The following BBX variants were observed in gnomAD, a reference collection of about 807,000 sequenced individuals.
The protein encoded by BBX is BBX high mobility group box domain containing.
In BBX, 30 loss-of-function variants were observed where a neutral mutation model predicts 100.2. That is an observed-to-expected ratio of 0.30 (90% CI 0.22 to 0.41). The LOEUF (loss-of-function observed/expected upper bound fraction) is 0.41, where lower values mean the gene tolerates loss of function less well. Among genes scored for constraint, BBX ranks in the 10% least tolerant of loss-of-function variants. BBX has a pLI of 1.00. For missense variants in BBX, 1,023 were observed against 1,129.8 expected, an observed-to-expected ratio of 0.91 and a Z score of 1.35; for synonymous variants, 376 against 388.1, an observed-to-expected ratio of 0.97 and a Z score of 0.37.
chr3:107,768,457 G>A (rs2107755470), intron 10 of BBX, among the ~76,000 whole-genome samples: 1 of 152,292 alleles, frequency 6.6e-6, no homozygotes, highest in South Asian at 2.1e-4. Context: ...TAGAAGTTTG[G>A]CAGAAGGCCC....
intron 3 of BBX, among the ~76,000 whole-genome samples, chr3:107,708,597 C>A (rs543284532): frequency 6.7e-6 from 1 of 149,150 alleles, no homozygotes; most frequent in Non-Finnish European, 1.5e-5. Context: ...TTGCTTGAAC[C>A]GGGGAGGCAG....
At position 107,723,631 on chromosome 3, in the gene BBX, A is replaced by G. The variant is rs189224613; in HGVS notation, c.406-5134A>G. ...TGTTTCCAAGTGTTCTCATTGTTCA[A>G]TTCTCACCTATGAGTGAGAACATGA... On this transcript the variant is annotated intron_variant, in intron 5 of 17. Transcript: ENST00000325805. Among the ~76,000 whole-genome samples the G allele has an allele frequency of 8.0e-3, 1,222 of 152,034 alleles. 3 individuals carry two copies. Among genetic ancestry groups the G allele is most frequent in the Middle Eastern group, 0.014 (4 of 294 alleles).
At chr3:107,788,045 A>G (rs559624807) in intron 13 of BBX, among the ~76,000 whole-genome samples, 44 of 152,308 alleles carry the variant, frequency 2.9e-4, no homozygotes, top group African/African-American at 1.0e-3. Context: ...GACTTTTCAT[A>G]TACACCCAAT....
intron 2 of BBX, among the ~76,000 whole-genome samples, chr3:107,618,920 A>T (rs1360418166): frequency 6.6e-6 from 1 of 152,008 alleles, no homozygotes; most frequent in African/African-American, 2.4e-5. Context: ...CTGTAGGTTG[A>T]TGATGTTGAG....
At chr3:107,539,126 CATA>C (rs1421807791) in intron 2 of BBX, among the ~76,000 whole-genome samples, 6 of 152,050 alleles carry the variant, frequency 3.9e-5, no homozygotes, top group Non-Finnish European at 7.4e-5. Flanking sequence ...GTTGCTTTAT[CATA>C]ATAATGTCCT....
intron 5 of BBX, among the ~76,000 whole-genome samples, chr3:107,717,298 T>C (rs1473429386): frequency 2.0e-5 from 3 of 152,152 alleles, no homozygotes; most frequent in African/African-American, 7.2e-5. Context: ...ACTGTAGTTA[T>C]ATCATGGGAA....
chr3:107,639,020 A>T (rs2057036919), intron 2 of BBX, among the ~76,000 whole-genome samples: 1 of 152,094 alleles, frequency 6.6e-6, no homozygotes, highest in Admixed American at 6.6e-5. Flanking sequence ...ATAATTTTTG[A>T]TCATAATATG....
chr3:107,778,356 C>T lies in BBX; in HGVS notation c.2055-15C>T, dbSNP rs146731480. The T allele has an allele frequency of 1.1e-3, 1,843 of 1,612,852 alleles. 16 individuals carry two copies. The African/African-American group carries it at 0.022, about 19-fold the overall frequency. The stretch of plus-strand genomic sequence containing the variant: ...TGGTCATGTGCTGATTGATTCCCCT[C>T]TCCCCTTTTAATAGCTCCGCAAAGC... On this transcript the variant is annotated splice_polypyrimidine_tract_variant and intron_variant, in intron 12 of 17. Coordinates refer to ENST00000325805, the MANE Select transcript of BBX (RefSeq NM_001142568.3).
At chr3:107,566,723 T>G (rs1272902115) in intron 2 of BBX, among the ~76,000 whole-genome samples, 1 of 152,066 alleles carries the variant, frequency 6.6e-6, no homozygotes, top group East Asian at 1.9e-4. Context: ...TGGTATAAAG[T>G]TGTTCTTACT....
At chr3:107,576,369 ACTT>A (rs1313533054) in intron 2 of BBX, among the ~76,000 whole-genome samples, 2 of 152,210 alleles carry the variant, frequency 1.3e-5, no homozygotes, top group Non-Finnish European at 2.9e-5. Context: ...TCAAAACACT[ACTT>A]ATATTTTGTT....
intron 3 of BBX, among the ~76,000 whole-genome samples, chr3:107,699,693 C>G (rs1413077242): frequency 1.3e-5 from 2 of 151,800 alleles, no homozygotes; most frequent in African/African-American, 2.4e-5. Flanking sequence ...TGAAGAGAAA[C>G]TTGCAAAGAA....
intron 3 of BBX, among the ~76,000 whole-genome samples, chr3:107,703,745 T>A (rs2061225359): frequency 6.6e-6 from 1 of 152,252 alleles, no homozygotes; most frequent in Non-Finnish European, 1.5e-5. Flanking sequence ...TCATGTACTT[T>A]GTCTACAGTT....
chr3:107,727,314 C>T (rs1477715603), intron 5 of BBX, among the ~76,000 whole-genome samples: 7 of 152,090 alleles, frequency 4.6e-5, no homozygotes, highest in Non-Finnish European at 1.0e-4. Flanking sequence ...CACTTCCAGA[C>T]AGCAGGCAAA....
chr3:107,732,334 AG>A (rs1230405848), intron 6 of BBX, among the ~76,000 whole-genome samples: 1 of 152,230 alleles, frequency 6.6e-6, no homozygotes, highest in Non-Finnish European at 1.5e-5. Flanking sequence ...TAACATAAAA[AG>A]CATTAATTTT....
intron 2 of BBX, among the ~76,000 whole-genome samples, chr3:107,559,347 G>A (rs562362107): frequency 6.6e-6 from 1 of 152,268 alleles, no homozygotes; most frequent in East Asian, 1.9e-4. Flanking sequence ...TCTCAGCTGA[G>A]GCAATTAAAC....
At chr3:107,531,477 T>G (rs2048157824) in intron 2 of BBX, among the ~76,000 whole-genome samples, 1 of 152,186 alleles carries the variant, frequency 6.6e-6, no homozygotes, top group African/African-American at 2.4e-5. Flanking sequence ...TGTAGGACCC[T>G]TATTCACAGT....
chr3:107,543,581 C>T (rs1055893446), intron 2 of BBX, among the ~76,000 whole-genome samples: 2 of 152,116 alleles, frequency 1.3e-5, no homozygotes, highest in East Asian at 1.9e-4. Context: ...ATAAACTGTA[C>T]GTGGCTTCAG....
At chr3:107,636,041 C>A (rs1239274444) in intron 2 of BBX, among the ~76,000 whole-genome samples, 1 of 152,092 alleles carries the variant, frequency 6.6e-6, no homozygotes, top group African/African-American at 2.4e-5. Context: ...GTTAATTGTT[C>A]TACTCTCTGT....
chr3:107,801,652 A>G (rs1479037791), intron 17 of BBX, among the ~76,000 whole-genome samples: 1 of 151,790 alleles, frequency 6.6e-6, no homozygotes, highest in Admixed American at 6.6e-5. Flanking sequence ...TAACCTCTCT[A>G]CCCTTGGTTT....
Sources: gnomAD v4.1 joint callset for allele counts (sites outside exome capture counted in the v4.1 genomes callset) on GRCh38, gnomAD v4.1.1 for gene constraint, MANE v1.5 for transcripts, NCBI Gene and HGNC (gene_info 2026-07-23, HGNC 2026-07-21) for gene names.